Variants in PCDHA6 observed in about 807,000 individuals in gnomAD.
PCDHA6 encodes the protein protocadherin alpha-6.
Under a neutral mutation model 60.3 loss-of-function variants are expected in PCDHA6, and 55 were observed. The ratio of observed to expected loss-of-function variants is 0.91; its 90% CI spans 0.73 to 1.14. The LOEUF (loss-of-function observed/expected upper bound fraction) is 1.14, where lower values mean the gene tolerates loss of function less well. PCDHA6 is among the 50% of genes most tolerant of loss of function. PCDHA6 has a pLI of 0.00. For synonymous variants in PCDHA6, 652 were observed against 557.9 expected (o/e 1.17, Z -2.38); for missense variants, 1,327 against 1,256.5 (o/e 1.06, Z -0.85).
chr5:141,008,286 A>G (rs944894226), intron 3 of PCDHA6, among the ~76,000 whole-genome samples: 1 of 152,248 alleles, frequency 6.6e-6, no homozygotes, highest in Admixed American at 6.5e-5. Flanking sequence ...TTGAAATAGC[A>G]GTTGTACCCA....
intron 3 of PCDHA6, among the ~76,000 whole-genome samples, chr5:141,007,512 G>C (rs2098333445): frequency 6.6e-6 from 1 of 152,040 alleles, no homozygotes; most frequent in Admixed American, 6.6e-5. Context: ...AGACTGCAGT[G>C]AGCTGATATC....
Position 140,857,707 on chromosome 5 carries a change from C to T in PCDHA6, c.2394+27222C>T, listed in dbSNP as rs1554150544. Reference sequence around the variant, plus strand: ...GCAGCAACTTGACGCTGCAGGTGTTCGTGCTGGACGAGAACGACAACGCTC... The same window carrying T: ...GCAGCAACTTGACGCTGCAGGTGTTTGTGCTGGACGAGAACGACAACGCTC... On this transcript the variant is annotated intron_variant, in intron 1 of 3. Coordinates refer to ENST00000529310, the MANE Select transcript of PCDHA6 (RefSeq NM_018909.4). 3.1e-6 allele frequency: 5 copies of T among 1,597,080 alleles called. 1 individual carries two copies. Among genetic ancestry groups the T allele is most frequent in the East Asian group, 2.2e-5 (1 of 44,802 alleles).
intron 1 of PCDHA6, chr5:140,968,340 A>G: frequency 6.2e-7 from 1 of 1,614,136 alleles, no homozygotes; most frequent in African/African-American, 1.3e-5. Context: ...GTCTCCATTA[A>G]CAGTGCCAGT....
intron 1 of PCDHA6, among the ~76,000 whole-genome samples, chr5:140,978,436 G>A (rs190191755): frequency 6.6e-6 from 1 of 152,348 alleles, no homozygotes; most frequent in East Asian, 1.9e-4. Flanking sequence ...AGTTGCTGGT[G>A]TTATGACTGG....
intron 1 of PCDHA6, among the ~76,000 whole-genome samples, chr5:140,956,765 C>T (rs2095308216): frequency 6.6e-6 from 1 of 152,134 alleles, no homozygotes; most frequent in Non-Finnish European, 1.5e-5. Flanking sequence ...AGCTGTAAAT[C>T]TGTCTGGTCC....
chr5:140,946,384 G>A (rs2093939169), intron 1 of PCDHA6, among the ~76,000 whole-genome samples: 1 of 151,758 alleles, frequency 6.6e-6, no homozygotes, highest in Non-Finnish European at 1.5e-5. Context: ...CGGTTGGTAG[G>A]AATGTAAATT....
At chr5:140,987,452 A>C (rs1430622755) in intron 3 of PCDHA6, among the ~76,000 whole-genome samples, 2 of 152,076 alleles carry the variant, frequency 1.3e-5, no homozygotes, top group Non-Finnish European at 2.9e-5. Context: ...CCCGAGAGAT[A>C]ATTGTTAAGA....
intron 1 of PCDHA6, among the ~76,000 whole-genome samples, chr5:140,933,844 G>A (rs2089450133): frequency 6.6e-6 from 1 of 151,910 alleles, no homozygotes; most frequent in South Asian, 2.1e-4. Context: ...TTTCATTCCT[G>A]TACCTTTAAT....
In PCDHA6 at chr5:140,829,467, A is replaced by C; in HGVS notation, c.1376A>C (p.Glu459Ala). 1 of 1,613,844 alleles carries C rather than the reference A, an allele frequency of 6.2e-7. No individual in the cohort carries two copies. The highest frequency in any genetic ancestry group is 8.5e-7 in the Non-Finnish European group (1 of 1,180,024). The change falls in exon 1 of 4, where the codon GAG becomes GCG. Residue 459 changes from glutamate (E) to alanine (A), a missense_variant. Coordinates refer to ENST00000529310, the MANE Select transcript of PCDHA6 (RefSeq NM_018909.4). ...NDNAPAFAQP[E>A]YTVFVKENNP... ...AATGCTCCGGCGTTCGCGCAGCCCG[A>C]GTACACAGTGTTCGTGAAGGAGAAC...
At chr5:140,997,615 T>C (rs900460811) in intron 3 of PCDHA6, among the ~76,000 whole-genome samples, 5 of 152,096 alleles carry the variant, frequency 3.3e-5, no homozygotes, top group Non-Finnish European at 7.3e-5. Context: ...CATGACTATA[T>C]AGAGATTTTC....
intron 1 of PCDHA6, among the ~76,000 whole-genome samples, chr5:140,914,381 T>C (rs192645626): frequency 1.7e-4 from 26 of 152,352 alleles, no homozygotes; most frequent in Admixed American, 2.6e-4. Flanking sequence ...TTATCTGTTA[T>C]AAGTGTAGTT....
chr5:140,997,698 A>G (rs1587762890), intron 3 of PCDHA6, among the ~76,000 whole-genome samples: 4 of 145,560 alleles, frequency 2.7e-5, no homozygotes, highest in South Asian at 2.2e-4. Context: ...GTGTGTGTGT[A>G]TGTTAACAAA....
intron 1 of PCDHA6, among the ~76,000 whole-genome samples, chr5:140,906,693 G>A (rs887867103): frequency 6.6e-6 from 1 of 152,082 alleles, no homozygotes; most frequent in African/African-American, 2.4e-5. Context: ...GAAGGATCTG[G>A]GCCATTTGTA....
At chr5:140,862,828 G>A in intron 1 of PCDHA6, 1 of 572,818 alleles carries the variant, frequency 1.7e-6, no homozygotes, top group Non-Finnish European at 3.3e-6. Context: ...GAGAGCGCGC[G>A]ACGCGGGCAT....
intron 1 of PCDHA6, chr5:140,856,891 C>A: frequency 6.3e-7 from 1 of 1,596,046 alleles, no homozygotes; most frequent in Non-Finnish European, 8.6e-7. Flanking sequence ...ATTCATTTAG[C>A]TCTTTGGTCC....
At chr5:140,994,163 G>A (rs2097601451) in intron 3 of PCDHA6, among the ~76,000 whole-genome samples, 1 of 152,200 alleles carries the variant, frequency 6.6e-6, no homozygotes, top group African/African-American at 2.4e-5. Flanking sequence ...CAACGAAGGG[G>A]AAGGAAGCTG....
Position 140,875,764 on chromosome 5 carries a change from C to T in PCDHA6, c.2394+45279C>T, listed in dbSNP as rs782377276. On this transcript the variant is annotated intron_variant, in intron 1 of 3. Coordinates refer to ENST00000529310, the MANE Select transcript of PCDHA6 (RefSeq NM_018909.4). ...GATCGACCGCGAGAAGCTGTGCGGGCGGAGCGCGGAGTGCAGTATCCACCT... is the reference window on the plus strand; with the variant it reads ...GATCGACCGCGAGAAGCTGTGCGGGTGGAGCGCGGAGTGCAGTATCCACCT... 27 of 1,614,078 alleles carry T rather than the reference C, an allele frequency of 1.7e-5. No homozygotes were observed. In the South Asian group the frequency reaches 2.1e-4, roughly 12 times the overall value.
chr5:140,869,407 T>C, intron 1 of PCDHA6: 3 of 1,614,120 alleles, frequency 1.9e-6, no homozygotes, highest in Non-Finnish European at 2.5e-6. Context: ...GAGCGCGGAG[T>C]GCAGCATCCA....
chr5:140,914,126 G>T (rs2076615202), intron 1 of PCDHA6, among the ~76,000 whole-genome samples: 1 of 152,132 alleles, frequency 6.6e-6, no homozygotes, highest in Non-Finnish European at 1.5e-5. Context: ...ATGTTTCTTT[G>T]TTGAGTTTTT....
Sources: gnomAD v4.1 joint callset for allele counts (sites outside exome capture counted in the v4.1 genomes callset) on GRCh38, gnomAD v4.1.1 for gene constraint, MANE v1.5 for transcripts, NCBI Gene and HGNC (gene_info 2026-07-23, HGNC 2026-07-21) for gene names.